The following KHDRBS3 variants were observed in gnomAD, a reference collection of about 807,000 sequenced individuals.
KHDRBS3 encodes the protein KH domain-containing, RNA-binding, signal transduction-associated protein 3.
A neutral mutation model predicts 45.6 loss-of-function variants in KHDRBS3; 23 were observed. The ratio of observed to expected loss-of-function variants is 0.50; its 90% confidence interval spans 0.36 to 0.72. The LOEUF is 0.72. Ranked by LOEUF, KHDRBS3 falls within the 30% of genes least tolerant of loss-of-function variation. The probability of loss-of-function intolerance (pLI) is 0.00; values close to 1 mark genes in which losing one functional copy is unlikely to be tolerated. For synonymous variants in KHDRBS3, 162 were observed against 156.5 expected, an observed-to-expected ratio of 1.04 and a Z score of -0.26; for missense variants, 352 against 424.8, an observed-to-expected ratio of 0.83 and a Z score of 1.51.
chr8:135,617,419 A>C (rs1215516982), intron 7 of KHDRBS3, among the ~76,000 whole-genome samples: 1 of 152,102 alleles, frequency 6.6e-6, no homozygotes, highest in Non-Finnish European at 1.5e-5. Flanking sequence ...CTGGGACTAC[A>C]GGAGTGCTCC....
chr8:135,525,565 G>T (rs566355172), intron 2 of KHDRBS3, among the ~76,000 whole-genome samples: 27 of 152,108 alleles, frequency 1.8e-4, no homozygotes, highest in Non-Finnish European at 3.7e-4. Flanking sequence ...GTGAGTTTAG[G>T]AGTTTACAGT....
At chr8:135,513,385 A>C (rs543068267) in intron 1 of KHDRBS3, among the ~76,000 whole-genome samples, 1 of 152,088 alleles carries the variant, frequency 6.6e-6, no homozygotes, top group African/African-American at 2.4e-5. Flanking sequence ...GCAAATATTA[A>C]ATTATTTAAT....
chr8:135,476,039 G>A (rs900838089), intron 1 of KHDRBS3, among the ~76,000 whole-genome samples: 13 of 152,202 alleles, frequency 8.5e-5, no homozygotes, highest in African/African-American at 3.1e-4. Context: ...AGTATTCAGA[G>A]TGCCTGTCAG....
chr8:135,486,200 TC>T (rs923732810), intron 1 of KHDRBS3, among the ~76,000 whole-genome samples: 2 of 152,190 alleles, frequency 1.3e-5, no homozygotes, highest in African/African-American at 4.8e-5. Flanking sequence ...ACATTTCTAA[TC>T]ACTTATTTTT....
chr8:135,594,622 A>G (rs943941922), intron 6 of KHDRBS3, among the ~76,000 whole-genome samples: 2 of 152,242 alleles, frequency 1.3e-5, no homozygotes, highest in Admixed American at 6.5e-5. Flanking sequence ...CAGTTTACCA[A>G]TGTAGCTCAA....
rs190032101 is a variant in KHDRBS3 at position 135,524,539 on chromosome 8, T to C, written c.207+3184T>C. Among the ~76,000 whole-genome samples, 5 of 152,322 alleles carry C rather than the reference T, an allele frequency of 3.3e-5. No homozygotes were observed. In the East Asian group the frequency reaches 9.6e-4, roughly 29 times the overall value. On this transcript the variant is annotated intron_variant, in intron 2 of 8. Transcript: ENST00000355849. ...CTAGACAGATTTCCTATGACATCTT[T>C]CGTGAAAATTTGTTTTTAAAAGGAT...
intron 5 of KHDRBS3, among the ~76,000 whole-genome samples, chr8:135,578,202 A>G (rs948528640): frequency 6.6e-6 from 1 of 152,108 alleles, no homozygotes; most frequent in Non-Finnish European, 1.5e-5. Flanking sequence ...TTATCTCTTA[A>G]TAGTGTCCTA....
chr8:135,550,976 T>A (rs980319630), intron 4 of KHDRBS3, among the ~76,000 whole-genome samples: 1 of 152,214 alleles, frequency 6.6e-6, no homozygotes, highest in Non-Finnish European at 1.5e-5. Flanking sequence ...AAATATTGTA[T>A]ACTTTTTGAT....
chr8:135,458,571 T>A, intron 1 of KHDRBS3: 1 of 315,180 alleles, frequency 3.2e-6, no homozygotes, highest in South Asian at 2.7e-5. Flanking sequence ...CCAACAGCCC[T>A]GGCGGGGCAG....
intron 1 of KHDRBS3, among the ~76,000 whole-genome samples, chr8:135,481,147 C>G (rs1361888429): frequency 6.6e-6 from 1 of 150,602 alleles, no homozygotes; most frequent in Non-Finnish European, 1.5e-5. Flanking sequence ...CCTGTCCAGT[C>G]TTATTTCTGC....
chr8:135,649,110 T>G (rs1831378358), downstream of KHDRBS3, among the ~76,000 whole-genome samples: 1 of 152,168 alleles, frequency 6.6e-6, no homozygotes, highest in Non-Finnish European at 1.5e-5. Context: ...TTTATAAAAA[T>G]TACTTCATAA....
At chr8:135,647,967 A>AT (rs1831356539), downstream of KHDRBS3, 1 of 152,096 alleles carries the variant, frequency 6.6e-6, no homozygotes, top group East Asian at 1.9e-4. Flanking sequence ...GCAACTTTGG[A>AT]TTTTTTATGA....
intron 7 of KHDRBS3, among the ~76,000 whole-genome samples, chr8:135,626,734 G>A (rs1259226028): frequency 6.7e-6 from 1 of 150,214 alleles, no homozygotes; most frequent in East Asian, 2.0e-4. Context: ...AACCCGGGAG[G>A]CGGAGCTTGC....
At chr8:135,609,840 G>A (rs1829637382) in intron 7 of KHDRBS3, among the ~76,000 whole-genome samples, 2 of 151,784 alleles carry the variant, frequency 1.3e-5, no homozygotes, top group African/African-American at 4.9e-5. Context: ...TCACAATATA[G>A]TGATGTTTAT....
chr8:135,594,283 G>T (rs1338051476), intron 6 of KHDRBS3, among the ~76,000 whole-genome samples: 1 of 152,228 alleles, frequency 6.6e-6, no homozygotes, highest in African/African-American at 2.4e-5. Flanking sequence ...TGTTCTTATA[G>T]TGTGGCATTA....
chr8:135,550,060 AG>A (rs1483061614), intron 4 of KHDRBS3: 3 of 152,204 alleles, frequency 2.0e-5, no homozygotes, highest in African/African-American at 7.2e-5. Context: ...AATGGCAAAG[AG>A]TCAGATATGA....
intron 2 of KHDRBS3, among the ~76,000 whole-genome samples, chr8:135,523,070 T>C (rs1469302930): frequency 6.6e-6 from 1 of 152,210 alleles, no homozygotes. Context: ...GGCTTTTACA[T>C]AGTGAGACAT....
At chr8:135,539,393 G>T (rs1318746449) in intron 2 of KHDRBS3, 1 of 152,250 alleles carries the variant, frequency 6.6e-6, no homozygotes, top group African/African-American at 2.4e-5. Flanking sequence ...TTCCTCGGCC[G>T]ATCTGGGTGG....
Position 135,557,480 on chromosome 8 carries a change from C to A in KHDRBS3, c.504C>A (p.Leu168=). The A allele has an allele frequency of 1.2e-6, 2 of 1,611,248 alleles. No homozygotes were observed. Among genetic ancestry groups the A allele is most frequent in the South Asian group, 2.2e-5 (2 of 91,012 alleles). ...DYNDEIRQAQ[L]QELTYLNGGS... ...ATGATGAGATCAGGCAAGCACAGCT[C>A]CAGGAGTTAACATATTTGAATGGTG... Residue 168 remains leucine, a synonymous_variant, in exon 5 of 9, where the codon CTC becomes CTA. Coordinates refer to ENST00000355849, the MANE Select transcript of KHDRBS3 (RefSeq NM_006558.3).
Sources: allele counts gnomAD v4.1 joint callset (sites outside exome capture counted in the v4.1 genomes callset), GRCh38; gene constraint gnomAD v4.1.1; transcripts MANE v1.5; gene names NCBI Gene and HGNC (gene_info 2026-07-23, HGNC 2026-07-21).